RNF213: variants seen among roughly 807,000 people sequenced by gnomAD.
RNF213 encodes ring finger protein 213.
A neutral mutation model predicts 514.4 loss-of-function variants in RNF213; 341 were observed. The observed-to-expected ratio is 0.66, with a 90% confidence interval of 0.61 to 0.73. The LOEUF (loss-of-function observed/expected upper bound fraction) is 0.73, where lower values mean the gene tolerates loss of function less well. Among genes scored for constraint, RNF213 ranks in the 30% least tolerant of loss-of-function variants. The pLI, the probability that RNF213 is intolerant of heterozygous loss-of-function variation, is 0.00. For missense variants in RNF213, 5,767 were observed against 6,615.6 expected (o/e 0.87, Z 4.45); for synonymous variants, 2,655 against 2,658.2 (o/e 1.00, Z 0.04).
Position 80,349,294 on chromosome 17 carries a change from C to T in RNF213, c.9952-476C>T, listed in dbSNP as rs1599082859. Among the ~76,000 whole-genome samples the T allele has an allele frequency of 2.6e-5, 4 of 152,242 alleles. No individual in the cohort carries two copies. The South Asian group carries it at 6.2e-4, about 24-fold the overall frequency. On this transcript the variant is annotated intron_variant, in intron 29 of 67. Transcript: ENST00000582970. ...TGAGCTCAGTGGTGAGGCAGGGATT[C>T]CTGGGCTAGAGCAGCAGGCCTCGAG...
chr17:80,352,522 A>G (rs1024342162), intron 32 of RNF213: 2 of 542,706 alleles, frequency 3.7e-6, no homozygotes, highest in African/African-American at 1.9e-5. Flanking sequence ...TATTTATGAC[A>G]TAGAAAAGTT....
intron 11 of RNF213, chr17:80,298,772 C>T (rs1360139046): frequency 9.4e-6 from 4 of 425,622 alleles, no homozygotes; most frequent in Non-Finnish European, 1.7e-5. Flanking sequence ...CGAGACCAGC[C>T]TGGCCAACAT....
chr17:80,360,286 G>A, intron 38 of RNF213, 80 bp downstream of exon 38: 1 of 1,475,350 alleles, frequency 6.8e-7, no homozygotes, highest in South Asian at 1.2e-5. Flanking sequence ...GCAGATGGGT[G>A]GCTAGAATTG....
intron 14 of RNF213, among the ~76,000 whole-genome samples, chr17:80,310,663 C>T (rs1349676464): frequency 6.6e-6 from 1 of 152,126 alleles, no homozygotes; most frequent in African/African-American, 2.4e-5. Context: ...AGTGATTCTC[C>T]TGCCTCAGCC....
intron 26 of RNF213, chr17:80,340,641 GAC>G (rs2078130026): frequency 3.6e-6 from 1 of 278,152 alleles, no homozygotes; most frequent in Non-Finnish European, 6.1e-6. Flanking sequence ...TTTTTTTTGA[GAC>G]AGAGTCTTGC....
chr17:80,385,212 TG>T (rs2144629553), intron 60 of RNF213, 41 bp downstream of exon 60: 2 of 1,613,506 alleles, frequency 1.2e-6, no homozygotes, highest in Middle Eastern at 1.7e-4. Context: ...GTCCCGCATT[TG>T]GCGGTTCGAA....
intron 3 of RNF213, among the ~76,000 whole-genome samples, chr17:80,285,928 G>A (rs1329771499): frequency 6.6e-6 from 1 of 152,002 alleles, no homozygotes. Flanking sequence ...CGCCTGCCTC[G>A]GCCTCCCAAA....
chr17:80,349,035 A>G (rs993800694), intron 29 of RNF213, among the ~76,000 whole-genome samples: 16 of 152,026 alleles, frequency 1.1e-4, no homozygotes, highest in African/African-American at 3.4e-4. Flanking sequence ...AAAGGAGAGG[A>G]GCAGATGGAA....
chr17:80,331,764 G>A (rs1030603455), intron 20 of RNF213, among the ~76,000 whole-genome samples: 1 of 152,170 alleles, frequency 6.6e-6, no homozygotes, highest in Non-Finnish European at 1.5e-5. Context: ...GTAAATAGGT[G>A]CGTGTTTTCC....
rs2045998463 is a variant in RNF213 at position 80,317,831 on chromosome 17, A to G, written c.2901+554A>G. Reference sequence around the variant, plus strand: ...GGGTGGCTGCCCTCTGCCAGGGCCAATGTGACAGCCTCTTTTAGGTACCCA... The same window carrying G: ...GGGTGGCTGCCCTCTGCCAGGGCCAGTGTGACAGCCTCTTTTAGGTACCCA... On this transcript the variant is annotated intron_variant, in intron 16 of 67. Transcript: ENST00000582970. The surrounding 1 kb of genome is among the most constrained non-coding windows in gnomAD (Gnocchi z 4.1). Among the ~76,000 whole-genome samples the G allele has an allele frequency of 1.3e-5, 2 of 152,172 alleles. No individual in the cohort carries two copies. The highest frequency in any genetic ancestry group is 6.5e-5 in the Admixed American group (1 of 15,274).
In RNF213 at chr17:80,376,959, G is replaced by C; in HGVS notation, c.13506G>C (p.Trp4502Cys). 1 of 1,612,826 alleles carries C rather than the reference G, an allele frequency of 6.2e-7. No individual in the cohort carries two copies. Among genetic ancestry groups the C allele is most frequent in the Non-Finnish European group, 8.5e-7 (1 of 1,178,956 alleles). Reference protein sequence around the residue: ...RRWKGLERVHWYTCPNGHPCS... With the variant: ...RRWKGLERVHCYTCPNGHPCS... ...GGAAGGGTCTGGAGCGAGTCCACTG[G>C]TACAGTAAGTGTTGGGGTCTAGATG... is the stretch of plus-strand genomic sequence containing the variant. The change falls in exon 53 of 68, where the codon TGG becomes TGC. Residue 4502 changes from tryptophan to cysteine, a missense_variant. Coordinates refer to ENST00000582970, the MANE Select transcript of RNF213 (RefSeq NM_001256071.3).
intron 15 of RNF213, 77 bp downstream of exon 15, chr17:80,313,244 A>T: frequency 6.3e-7 from 1 of 1,580,748 alleles, no homozygotes; most frequent in Non-Finnish European, 8.7e-7. Context: ...CATGGGGTAC[A>T]GGCTGCTGGC....
Position 80,273,311 on chromosome 17 carries a change from G to A in RNF213, c.168G>A (p.Lys56=), listed in dbSNP as rs779646006. 3.1e-6 allele frequency: 5 copies of A among 1,613,644 alleles called. No individual in the cohort carries two copies. The highest frequency in any genetic ancestry group is 3.3e-5 in the Admixed American group (2 of 60,022). The change falls in exon 3 of 68, where the codon AAG becomes AAA. Residue 56 remains lysine, a synonymous_variant. Coordinates refer to ENST00000582970, the MANE Select transcript of RNF213 (RefSeq NM_001256071.3). ...EGEMECGQEL[K]EEGGPCLFPG... is the part of the protein sequence containing the mutation. ...AAATGGAGTGTGGGCAGGAGCTGAA[G>A]GAGGAAGGGGGCCCGTGCTTGTTCC... is the stretch of plus-strand genomic sequence containing the variant.
chr17:80,340,025 C>A lies in RNF213; in HGVS notation c.5658C>A (p.Ser1886=). 1.3e-6 allele frequency: 2 copies of A among 1,544,754 alleles called. No homozygotes were observed. The highest frequency in any genetic ancestry group is 2.4e-5 in the South Asian group (2 of 84,636). The change falls in exon 26 of 68, where the codon TCC becomes TCA. Residue 1886 remains serine (S), a synonymous_variant. Transcript: ENST00000582970. ...LLLRRCLTLG[S]LGHKVYSLLF... is the part of the protein sequence containing the mutation. ...TGCGCCGCTGCCTGACCCTGGGCTC[C>A]CTGGGGCACAAGGTCTACAGCCTGC...
chr17:80,352,370 A>G (rs2078555134), intron 32 of RNF213: 1 of 254,462 alleles, frequency 3.9e-6, no homozygotes, highest in Non-Finnish European at 7.6e-6. Context: ...ACCTCTTAGC[A>G]TGTAGGTCAC....
Position 80,381,000 on chromosome 17 carries a change from G to A in RNF213, c.13797+13G>A. 2 of 1,614,128 alleles carry A rather than the reference G, an allele frequency of 1.2e-6. No homozygotes were observed. Among genetic ancestry groups the A allele is most frequent in the Non-Finnish European group, 8.5e-7 (1 of 1,179,980 alleles). On this transcript the variant is annotated intron_variant, in intron 56 of 67. Coordinates refer to ENST00000582970, the MANE Select transcript of RNF213 (RefSeq NM_001256071.3). Reference sequence around the variant, plus strand: ...CCAGAGTTCCCAGGTATAACCCAGTGCTGCCAAACAATGGGCTCAGTTAAG... The same window carrying A: ...CCAGAGTTCCCAGGTATAACCCAGTACTGCCAAACAATGGGCTCAGTTAAG...
intron 3 of RNF213, among the ~76,000 whole-genome samples, chr17:80,281,149 C>T (rs1298686557): frequency 7.4e-6 from 1 of 135,534 alleles, no homozygotes; most frequent in Non-Finnish European, 1.6e-5. Flanking sequence ...CCCACTCACA[C>T]CACTCACACA....
intron 42 of RNF213, among the ~76,000 whole-genome samples, chr17:80,367,174 T>G (rs933303205): frequency 1.3e-5 from 2 of 152,200 alleles, no homozygotes; most frequent in Admixed American, 6.5e-5. Flanking sequence ...ATCATTGATA[T>G]CAAGTTTTAA....
chr17:80,341,575 CTG>C (rs2078155936), intron 26 of RNF213: 1 of 152,040 alleles, frequency 6.6e-6, no homozygotes, highest in South Asian at 2.1e-4. Context: ...GATTAGAAAA[CTG>C]TACTTTAAAA....
Sources: allele counts gnomAD v4.1 joint callset (sites outside exome capture counted in the v4.1 genomes callset), GRCh38; gene constraint gnomAD v4.1.1; non-coding constraint Gnocchi (gnomAD v3.1); transcripts MANE v1.5; gene names NCBI Gene and HGNC (gene_info 2026-07-23, HGNC 2026-07-21).